The following PHF21A variants were observed in gnomAD, a reference collection of about 807,000 sequenced individuals.
PHF21A encodes BHC80a.
In PHF21A, 11 loss-of-function variants were observed where a neutral mutation model predicts 82.5. That is an observed-to-expected ratio of 0.13 (90% CI 0.08 to 0.22). The LOEUF (loss-of-function observed/expected upper bound fraction) is 0.22. Among genes scored for constraint, PHF21A ranks in the 10% least tolerant of loss-of-function variants. PHF21A has a pLI of 1.00. For missense variants in PHF21A, 579 were observed against 837.8 expected (o/e 0.69, Z 3.81); for synonymous variants, 297 against 302.8 (o/e 0.98, Z 0.20).
At chr11:46,098,700 G>A (rs560431126) in intron 1 of PHF21A, among the ~76,000 whole-genome samples, 2 of 152,100 alleles carry the variant, frequency 1.3e-5, no homozygotes, top group South Asian at 4.2e-4. Context: ...TTAACCTCAG[G>A]ACTAAAACTC....
chr11:45,949,047 G>A (rs940252527), intron 13 of PHF21A, 101 bp from the exon 14 acceptor site: 24 of 907,402 alleles, frequency 2.6e-5, no homozygotes, highest in South Asian at 2.1e-4. Context: ...TCAACATGCC[G>A]ACTAGTTAGT....
At chr11:46,032,442 CCTTTT>C (rs1592242726) in intron 6 of PHF21A, among the ~76,000 whole-genome samples, 1 of 151,712 alleles carries the variant, frequency 6.6e-6, no homozygotes, top group Admixed American at 6.6e-5. Context: ...TCATCTACTT[CCTTTT>C]CTTAACAAGT....
chr11:46,096,477 A>C (rs2096997927), intron 1 of PHF21A, among the ~76,000 whole-genome samples: 1 of 152,134 alleles, frequency 6.6e-6, no homozygotes, highest in Non-Finnish European at 1.5e-5. Context: ...CCAATGATTT[A>C]ACAGTTGTTA....
At position 45,938,240 on chromosome 11, in the gene PHF21A, G is replaced by A. The variant is rs977033587; in HGVS notation, c.1525C>T (p.Arg509Cys). 8.1e-6 allele frequency: 13 copies of A among 1,611,224 alleles called. No homozygotes were observed. The highest frequency in any genetic ancestry group is 5.0e-5 in the Admixed American group (3 of 59,582). The change falls in exon 16 of 19, where the codon CGT becomes TGT. Residue 509 changes from arginine to cysteine, a missense_variant. Around this residue, in one of 3 missense-constraint regions of PHF21A, gnomAD observed 410 missense variants for 642.1 expected, o/e 0.64. Coordinates refer to ENST00000676320, the MANE Select transcript of PHF21A (RefSeq NM_001352027.3). ...TCTAAGCAGTCCAAATGATATACAC[G>A]GGAACATGTGTCGCACATCAGTAAC... is the stretch of plus-strand genomic sequence containing the variant. Reference protein sequence around the residue: ...GQLLMCDTCSRVYHLDCLDPP... With the variant: ...GQLLMCDTCSCVYHLDCLDPP...
chr11:46,030,632 A>G (rs868578954), intron 6 of PHF21A, among the ~76,000 whole-genome samples: 1 of 152,252 alleles, frequency 6.6e-6, no homozygotes, highest in African/African-American at 2.4e-5. Flanking sequence ...CTTTAATCCT[A>G]AAACACATAT....
intron 4 of PHF21A, among the ~76,000 whole-genome samples, chr11:46,083,275 G>A (rs1396928555): frequency 1.3e-5 from 2 of 152,066 alleles, no homozygotes; most frequent in South Asian, 4.1e-4. Flanking sequence ...AGCAGCAGCA[G>A]GGATTTCTGA....
chr11:46,061,302 G>T (rs1252394376), intron 6 of PHF21A, among the ~76,000 whole-genome samples: 15 of 152,088 alleles, frequency 9.9e-5, no homozygotes. Context: ...GCTCTGTTTT[G>T]ATCCCATATG....
intron 5 of PHF21A, 149 bp downstream of exon 5, chr11:46,078,985 C>T: frequency 1.9e-6 from 1 of 514,360 alleles, no homozygotes; most frequent in Non-Finnish European, 3.5e-6. Flanking sequence ...CCCTTATAAC[C>T]TGAAGATCAA....
At chr11:45,991,209 T>C (rs367735966) in intron 6 of PHF21A, among the ~76,000 whole-genome samples, 2 of 152,232 alleles carry the variant, frequency 1.3e-5, no homozygotes, top group South Asian at 2.1e-4. Context: ...CATGGTTTGA[T>C]AGTTCATTTC....
chr11:46,106,493 G>C (rs2097153747), intron 1 of PHF21A, among the ~76,000 whole-genome samples: 1 of 152,144 alleles, frequency 6.6e-6, no homozygotes, highest in Non-Finnish European at 1.5e-5. Context: ...TGAGGTGTTG[G>C]GGGTTGGGGG....
At chr11:46,027,460 A>T (rs2095771527) in intron 6 of PHF21A, among the ~76,000 whole-genome samples, 1 of 152,216 alleles carries the variant, frequency 6.6e-6, no homozygotes, top group Non-Finnish European at 1.5e-5. Flanking sequence ...AAGGCAACTG[A>T]GCACCCTGCC....
At chr11:46,120,187 CT>C (rs1175408142) in intron 1 of PHF21A, among the ~76,000 whole-genome samples, 312 of 143,208 alleles carry the variant, frequency 2.2e-3, no homozygotes, top group Non-Finnish European at 3.5e-3. Context: ...GCAGCCGCAG[CT>C]TTTTTTTTTT....
intron 6 of PHF21A, among the ~76,000 whole-genome samples, chr11:46,012,810 C>A (rs2137442209): frequency 6.6e-6 from 1 of 152,308 alleles, no homozygotes; most frequent in East Asian, 1.9e-4. Context: ...AGTTTCTCAT[C>A]TTAATGATAC....
At chr11:45,957,751 C>CAAAAAAAAAAAAAAAAAAAAA in intron 10 of PHF21A, among the ~76,000 whole-genome samples, 71 of 60,882 alleles carry the variant, frequency 1.2e-3, no homozygotes, top group Middle Eastern at 0.013. Context: ...AAATTCAAAG[C>CAAAAAAAAAAAAAAAAAAAAA]AAAAAAAAAA....
intron 6 of PHF21A, among the ~76,000 whole-genome samples, chr11:46,072,976 C>T (rs949872820): frequency 2.0e-4 from 30 of 152,180 alleles, no homozygotes; most frequent in South Asian, 8.3e-4. Context: ...TCACATATGC[C>T]TATCAAAAAA....
At chr11:45,988,556 T>C (rs768133654) in intron 6 of PHF21A, among the ~76,000 whole-genome samples, 4 of 152,186 alleles carry the variant, frequency 2.6e-5, no homozygotes, top group Admixed American at 6.5e-5. Flanking sequence ...TAAAAAATCA[T>C]CTACAGTAAT....
In PHF21A at chr11:45,964,200, A is replaced by AAAT. The variant is rs58644528; in HGVS notation, c.996+1112_996+1114dup. On this transcript the variant is annotated intron_variant, in intron 10 of 18. Coordinates refer to ENST00000676320, the MANE Select transcript of PHF21A (RefSeq NM_001352027.3). Reference sequence around the variant, plus strand: ...GCAACAAGAGTGAAACTCCATCTCAAAATAATAATAATAATAATAATAATA... The same window carrying AAAT: ...GCAACAAGAGTGAAACTCCATCTCAAAATAATAATAATAATAATAATAATAATA... Among the ~76,000 whole-genome samples the AAAT allele has an allele frequency of 7.6e-3, 1,019 of 134,596 alleles. 12 individuals are homozygous for AAAT. Among genetic ancestry groups the AAAT allele is most frequent in the East Asian group, 0.03 (142 of 4,714 alleles). The allele number at this position is 134,596 out of a possible 152,430, so 88.3% of individuals were successfully genotyped here. A position where few individuals can be genotyped will look rare whatever the true frequency, so the allele number is the denominator to read the frequency against.
At chr11:45,976,183 T>C (rs991998934) in intron 7 of PHF21A, among the ~76,000 whole-genome samples, 1 of 152,120 alleles carries the variant, frequency 6.6e-6, no homozygotes, top group Non-Finnish European at 1.5e-5. Context: ...ATCCTTTTGT[T>C]CATACTACTC....
chr11:45,980,390 G>A (rs1409191779), intron 6 of PHF21A, among the ~76,000 whole-genome samples: 1 of 152,156 alleles, frequency 6.6e-6, no homozygotes, highest in Non-Finnish European at 1.5e-5. Flanking sequence ...GTGCCTCACT[G>A]TCTTGCTCTT....
Sources: allele counts gnomAD v4.1 joint callset (sites outside exome capture counted in the v4.1 genomes callset), GRCh38; gene constraint gnomAD v4.1.1; regional missense constraint gnomAD v4.1.1; transcripts MANE v1.5; gene names NCBI Gene and HGNC (gene_info 2026-07-23, HGNC 2026-07-21).